GRID2: variants seen among roughly 807,000 people sequenced by gnomAD.
The protein encoded by GRID2 is glutamate ionotropic receptor delta type subunit 2.
A neutral mutation model predicts 114.8 loss-of-function variants in GRID2; 33 were observed. That is an observed-to-expected ratio of 0.29 (90% CI 0.22 to 0.38). The LOEUF (loss-of-function observed/expected upper bound fraction) is 0.38. Ranked by LOEUF, GRID2 falls within the 10% of genes least tolerant of loss-of-function variation. GRID2 has a pLI of 1.00. For synonymous variants in GRID2, 505 were observed against 449.9 expected, an observed-to-expected ratio of 1.12 and a Z score of -1.55; for missense variants, 1,184 against 1,257.7, an observed-to-expected ratio of 0.94 and a Z score of 0.89.
intron 2 of GRID2, among the ~76,000 whole-genome samples, chr4:92,763,897 A>C (rs1738140127): frequency 1.3e-5 from 2 of 152,180 alleles, no homozygotes; most frequent in South Asian, 4.1e-4. Context: ...GAACAGATAT[A>C]ATCTCATTTA....
rs532470525 is a variant in GRID2, at chr4:92,415,008, C to A, written c.88+110264C>A. 2.0e-5 allele frequency among the ~76,000 whole-genome samples: 3 copies of A among 152,070 alleles called. No homozygotes were observed. The East Asian group carries it at 5.8e-4, about 29-fold the overall frequency. On this transcript the variant is annotated intron_variant, in intron 1 of 15. Transcript: ENST00000282020. The stretch of plus-strand genomic sequence containing the variant: ...TACGGTAGTCAGAGCATGCTTTTCA[C>A]CCTGCCTTATTATTATTATTTTGTT...
intron 4 of GRID2, among the ~76,000 whole-genome samples, chr4:93,161,223 C>A (rs1560939655): frequency 6.6e-6 from 1 of 151,844 alleles, no homozygotes; most frequent in Non-Finnish European, 1.5e-5. Context: ...GAGAGAGATT[C>A]TGAGAAACTT....
At position 92,555,047 on chromosome 4, in the gene GRID2, G is replaced by GAGA. The variant is rs554479047; in HGVS notation, c.89-35081_89-35079dup. Among the ~76,000 whole-genome samples the GAGA allele has an allele frequency of 1.6e-3, 248 of 152,294 alleles. 1 individual carries two copies. The highest frequency in any genetic ancestry group is 5.8e-3 in the African/African-American group (241 of 41,574). On this transcript the variant is annotated intron_variant, in intron 1 of 15. Transcript: ENST00000282020. ...AAATGCAGGGAATATTTTTCAAAAAGAGAAGGATGATTTTCAGGGTGGGAT... is the reference window on the plus strand; with the variant it reads ...AAATGCAGGGAATATTTTTCAAAAAGAGAAGAAGGATGATTTTCAGGGTGGGAT...
At chr4:92,945,003 C>T (rs1339966741) in intron 2 of GRID2, among the ~76,000 whole-genome samples, 1 of 152,042 alleles carries the variant, frequency 6.6e-6, no homozygotes, top group Admixed American at 6.6e-5. Flanking sequence ...TGAATAATTG[C>T]TTTTGTGTAT....
In GRID2 at chr4:92,449,798, T is replaced by C. The variant is rs1258672244; in HGVS notation, c.89-140333T>C. Among the ~76,000 whole-genome samples the C allele has an allele frequency of 2.7e-5, 4 of 150,560 alleles. No homozygotes were observed. In the East Asian group the frequency reaches 7.8e-4, roughly 29 times the overall value. ...CTCTTTCCTACCATTATATTTAATT[T>C]TTAAGTCATGGCTTTAGAGCACCAG... is the stretch of plus-strand genomic sequence containing the variant. On this transcript the variant is annotated intron_variant, in intron 1 of 15. Coordinates refer to ENST00000282020, the MANE Select transcript of GRID2 (RefSeq NM_001510.4).
At chr4:92,351,774 C>T (rs1179784478) in intron 1 of GRID2, among the ~76,000 whole-genome samples, 1 of 151,772 alleles carries the variant, frequency 6.6e-6, no homozygotes, top group Non-Finnish European at 1.5e-5. Flanking sequence ...TCTTTCAGTG[C>T]CTGATATATT....
In GRID2 at chr4:92,593,854, AT is replaced by A. The variant is rs549208733; in HGVS notation, c.244+3578del. Among the ~76,000 whole-genome samples, 779 of 138,658 alleles carry A rather than the reference AT, an allele frequency of 5.6e-3. 5 individuals carry two copies. The highest frequency in any genetic ancestry group is 7.8e-3 in the Non-Finnish European group (495 of 63,474). The allele number at this position is 138,658 out of a possible 152,430, so 91.0% of individuals were successfully genotyped here. ...CTTAACTCACGAGGTTTTCTTGACA[AT>A]TTTTTTTTTCATTTGGATAGGCTAT... is the stretch of plus-strand genomic sequence containing the variant. On this transcript the variant is annotated intron_variant, in intron 2 of 15. Coordinates refer to ENST00000282020, the MANE Select transcript of GRID2 (RefSeq NM_001510.4).
At chr4:93,221,544 G>A (rs746711054) in intron 6 of GRID2, among the ~76,000 whole-genome samples, 2 of 152,138 alleles carry the variant, frequency 1.3e-5, no homozygotes, top group African/African-American at 2.4e-5. Flanking sequence ...GGCCTAAGTA[G>A]AAGTGAAGAT....
intron 9 of GRID2, among the ~76,000 whole-genome samples, chr4:93,401,353 A>G (rs540004477): frequency 5.4e-4 from 82 of 152,248 alleles, no homozygotes; most frequent in African/African-American, 1.9e-3. Flanking sequence ...ATAGTTTTTC[A>G]TATTTTAATC....
chr4:93,524,320 T>C (rs1167975387), intron 13 of GRID2, among the ~76,000 whole-genome samples: 1 of 152,008 alleles, frequency 6.6e-6, no homozygotes, highest in African/African-American at 2.4e-5. Context: ...TTCACTTCAG[T>C]ACTACACCCT....
rs905096616 is a variant in GRID2, at chr4:93,644,168, G to T, written c.2360+17733G>T. Among the ~76,000 whole-genome samples the T allele has an allele frequency of 2.3e-5, 2 of 88,338 alleles. 1 individual carries two copies. Among genetic ancestry groups the T allele is most frequent in the Non-Finnish European group, 4.4e-5 (2 of 45,960 alleles). 58.0% of individuals were successfully genotyped at this position (88,338 alleles called of 152,430 possible). ...GTGAGGCAATGCCTCGCCCTGCTTC[G>T]GCTCGCGCACGGTGCGCACACACAC... On this transcript the variant is annotated intron_variant, in intron 14 of 15. Transcript: ENST00000282020.
intron 1 of GRID2, among the ~76,000 whole-genome samples, chr4:92,353,530 C>G (rs1728173802): frequency 6.6e-6 from 1 of 152,016 alleles, no homozygotes; most frequent in Admixed American, 6.6e-5. Flanking sequence ...TGTCTAGTGA[C>G]TTTTCCAAAC....
intron 1 of GRID2, among the ~76,000 whole-genome samples, chr4:92,394,053 T>TTAC (rs2110265935): frequency 6.6e-6 from 1 of 152,240 alleles, no homozygotes; most frequent in South Asian, 2.1e-4. Context: ...TTGTATAAGG[T>TTAC]TACTCACTGA....
At chr4:92,439,888 C>T (rs924367771) in intron 1 of GRID2, among the ~76,000 whole-genome samples, 1 of 145,022 alleles carries the variant, frequency 6.9e-6, no homozygotes, top group African/African-American at 2.5e-5. Flanking sequence ...CAGTGTAAAC[C>T]GGCAGTGTAA....
intron 1 of GRID2, among the ~76,000 whole-genome samples, chr4:92,475,076 AAC>A (rs1309978539): frequency 6.7e-6 from 1 of 150,160 alleles, no homozygotes; most frequent in Non-Finnish European, 1.5e-5. Context: ...ATATGCAACT[AAC>A]TGGCACATTG....
rs1245234609 is a variant in GRID2 at position 93,111,602 on chromosome 4, G to T, written c.735+649G>T. 2.0e-5 allele frequency among the ~76,000 whole-genome samples: 3 copies of T among 152,074 alleles called. No homozygotes were observed. In the East Asian group the frequency reaches 5.8e-4, roughly 29 times the overall value. On this transcript the variant is annotated intron_variant, in intron 4 of 15. Transcript: ENST00000282020. ...TCTATGTTCTAAAATGCCTGCTATT[G>T]CCTTGTAAAAGTTTATTGTCATGTC...
intron 1 of GRID2, among the ~76,000 whole-genome samples, chr4:92,352,076 C>T (rs1313471703): frequency 6.6e-6 from 1 of 151,860 alleles, no homozygotes; most frequent in Non-Finnish European, 1.5e-5. Context: ...GAGGAACCTC[C>T]ACACTGTTTT....
At chr4:93,200,628 A>G (rs976003861) in intron 4 of GRID2, among the ~76,000 whole-genome samples, 2 of 152,208 alleles carry the variant, frequency 1.3e-5, no homozygotes, top group African/African-American at 2.4e-5. Context: ...CATATAAAAT[A>G]CAGTAAGTCA....
chr4:93,605,516 T>C (rs1371103449), intron 13 of GRID2, among the ~76,000 whole-genome samples: 7 of 152,196 alleles, frequency 4.6e-5, no homozygotes, highest in Non-Finnish European at 8.8e-5. Context: ...CATTGATCTG[T>C]CACAACATTC....
Sources: gnomAD v4.1 joint callset for allele counts (sites outside exome capture counted in the v4.1 genomes callset) on GRCh38, gnomAD v4.1.1 for gene constraint, MANE v1.5 for transcripts, NCBI Gene and HGNC (gene_info 2026-07-23, HGNC 2026-07-21) for gene names.